The following GCH1 variants were observed in gnomAD, a reference collection of about 807,000 sequenced individuals.
The protein encoded by GCH1 is GTP cyclohydrolase 1.
GCH1 carries 5 observed loss-of-function variants against 25.9 expected under a neutral mutation model. The ratio of observed to expected loss-of-function variants is 0.19; its 90% CI spans 0.10 to 0.41. The LOEUF is 0.41. GCH1 is among the 10% of genes least tolerant of loss of function. The pLI is 1.00. For missense variants in GCH1, 261 were observed against 336.5 expected, an observed-to-expected ratio of 0.78 and a Z score of 1.75; for synonymous variants, 159 against 129.6, an observed-to-expected ratio of 1.23 and a Z score of -1.54.
intron 1 of GCH1, among the ~76,000 whole-genome samples, chr14:54,881,969 T>C (rs1290245045): frequency 6.6e-6 from 1 of 152,224 alleles, no homozygotes; most frequent in African/African-American, 2.4e-5. Flanking sequence ...ACTACGTTTC[T>C]TGGTAAGAGT....
At chr14:54,879,295 C>T (rs2140096190) in intron 1 of GCH1, among the ~76,000 whole-genome samples, 1 of 152,100 alleles carries the variant, frequency 6.6e-6, no homozygotes, top group Non-Finnish European at 1.5e-5. Flanking sequence ...GTGCCATGCA[C>T]CCGTAGTCCC....
intron 1 of GCH1, among the ~76,000 whole-genome samples, chr14:54,872,963 G>C (rs1306566915): frequency 6.6e-6 from 1 of 151,328 alleles, no homozygotes; most frequent in Non-Finnish European, 1.5e-5. Flanking sequence ...AAGTTAACAA[G>C]GATATCCAGG....
chr14:54,883,446 G>C (rs944538133), intron 1 of GCH1, among the ~76,000 whole-genome samples: 1 of 149,406 alleles, frequency 6.7e-6, no homozygotes. Context: ...TTGGGAGGCC[G>C]AGGCAGGTGG....
Position 54,880,517 on chromosome 14 carries a change from CCAT to C in GCH1, c.344-15084_344-15082del, listed in dbSNP as rs1406067942. Among the ~76,000 whole-genome samples, 2 of 77,200 alleles carry C rather than the reference CCAT, an allele frequency of 2.6e-5. 1 individual carries two copies. The highest frequency in any genetic ancestry group is 4.7e-5 in the Non-Finnish European group (2 of 42,822). 50.6% of individuals were successfully genotyped at this position (77,200 alleles called of 152,430 possible). ...TATATACTCCATATATATATATACT[CCAT>C]ATATATATATATACTCCATATATAT... On this transcript the variant is annotated intron_variant, in intron 1 of 5. Coordinates refer to ENST00000491895, the MANE Select transcript of GCH1 (RefSeq NM_000161.3).
intron 1 of GCH1, among the ~76,000 whole-genome samples, chr14:54,897,010 GTT>G (rs1303006172): frequency 1.7e-5 from 2 of 114,884 alleles, no homozygotes; most frequent in African/African-American, 3.4e-5. Flanking sequence ...TCCACTTTTT[GTT>G]TTTTTTTTTT....
intron 2 of GCH1, among the ~76,000 whole-genome samples, chr14:54,864,743 G>T (rs2039966730): frequency 6.6e-6 from 1 of 152,114 alleles, no homozygotes; most frequent in Admixed American, 6.5e-5. Flanking sequence ...AACTAGATTA[G>T]ATCTAAAGTT....
At chr14:54,870,335 C>CAAAAAAAAAAAAAAAAAAAAAAA (rs561453897) in intron 1 of GCH1, among the ~76,000 whole-genome samples, 1 of 66,606 alleles carries the variant, frequency 1.5e-5, no homozygotes, top group African/African-American at 6.1e-5. Flanking sequence ...CTGTTTTTAC[C>CAAAAAAAAAAAAAAAAAAAAAAA]AAAAAAAAAA....
intron 1 of GCH1, among the ~76,000 whole-genome samples, chr14:54,887,291 G>A (rs2040366059): frequency 6.6e-6 from 1 of 152,216 alleles, no homozygotes; most frequent in African/African-American, 2.4e-5. Flanking sequence ...AATACTTAGT[G>A]TCTCCCAGTT....
intron 2 of GCH1, 51 bp downstream of exon 2, chr14:54,865,276 A>C: frequency 2.3e-6 from 2 of 864,764 alleles, no homozygotes; most frequent in Non-Finnish European, 3.8e-6. Context: ...TTCTAATTGA[A>C]AAACTTTCAC....
At position 54,897,009 on chromosome 14, in the gene GCH1, TG is replaced by T. The variant is rs752800019; in HGVS notation, c.343+5311del. The stretch of plus-strand genomic sequence containing the variant: ...ATCTTATCCATTCTACTCCACTTTT[TG>T]TTTTTTTTTTTTTTTTTTGAGATGG... On this transcript the variant is annotated intron_variant, in intron 1 of 5. Transcript: ENST00000491895. 2.9e-4 allele frequency among the ~76,000 whole-genome samples: 41 copies of T among 141,242 alleles called. 4 individuals are homozygous for T. The highest frequency in any genetic ancestry group is 6.9e-4 in the African/African-American group (25 of 35,980). 92.7% of individuals were successfully genotyped at this position (141,242 alleles called of 152,430 possible). A position where few individuals can be genotyped will look rare whatever the true frequency, so the allele number is the denominator to read the frequency against.
chr14:54,864,305 T>C (rs563190772), intron 2 of GCH1, among the ~76,000 whole-genome samples: 4 of 152,362 alleles, frequency 2.6e-5, no homozygotes, highest in African/African-American at 7.2e-5. Context: ...ACTTTAACTT[T>C]AGTTGATGGG....
chr14:54,863,593 T>C (rs1462791066), intron 2 of GCH1, among the ~76,000 whole-genome samples: 1 of 140,810 alleles, frequency 7.1e-6, no homozygotes, highest in African/African-American at 2.7e-5. Flanking sequence ...TGGAATAAGA[T>C]ATAACAATGA....
intron 3 of GCH1, 137 bp downstream of exon 3, chr14:54,859,544 C>A: frequency 1.4e-6 from 1 of 712,650 alleles, no homozygotes; most frequent in Admixed American, 2.0e-5. Flanking sequence ...TCAGACCCTC[C>A]AAGTCTTTAA....
At chr14:54,861,016 G>A (rs2039888878) in intron 2 of GCH1, among the ~76,000 whole-genome samples, 2 of 152,150 alleles carry the variant, frequency 1.3e-5, no homozygotes, top group African/African-American at 4.8e-5. Flanking sequence ...TACTACATAC[G>A]AAAAACATTA....
In GCH1 at chr14:54,842,050, C is replaced by A. The variant is rs1211291688; in HGVS notation, c.*1967G>T. 1 of 152,122 alleles carries A rather than the reference C, an allele frequency of 6.6e-6. No homozygotes were observed. Among genetic ancestry groups the A allele is most frequent in the Non-Finnish European group, 1.5e-5 (1 of 68,008 alleles). 9.4% of individuals were successfully genotyped at this position (152,122 alleles called of 1,614,324 possible). A position where few individuals can be genotyped will look rare whatever the true frequency, so the allele number is the denominator to read the frequency against. ...AATAGTTTAATAATTTAAATAGGACCACCTTCAGGAACATACATACTCATA... is the reference window on the plus strand; with the variant it reads ...AATAGTTTAATAATTTAAATAGGACAACCTTCAGGAACATACATACTCATA... On this transcript the variant is annotated 3_prime_UTR_variant, in exon 6 of 6. Transcript: ENST00000491895.
intron 1 of GCH1, among the ~76,000 whole-genome samples, chr14:54,879,609 C>T (rs1428432219): frequency 1.3e-5 from 2 of 151,806 alleles, no homozygotes; most frequent in African/African-American, 4.8e-5. Context: ...GTGTAAAAAG[C>T]GTGTAGCAGA....
chr14:54,902,652 G>T lies in GCH1; in HGVS notation c.12C>A (p.Gly4=), dbSNP rs760502498. 1.4e-6 allele frequency: 2 copies of T among 1,475,696 alleles called. No individual in the cohort carries two copies. The highest frequency in any genetic ancestry group is 2.6e-5 in the South Asian group (2 of 76,940). 91.4% of individuals were successfully genotyped at this position (1,475,696 alleles called of 1,614,324 possible). The part of the protein sequence containing the change: MEK[G]PVRAPAEKPR... Reference sequence around the variant, plus strand: ...GCTTCTCCGCCGGTGCCCGCACAGGGCCCTTCTCCATGGACCCGCCGCAGC... The same window carrying T: ...GCTTCTCCGCCGGTGCCCGCACAGGTCCCTTCTCCATGGACCCGCCGCAGC... The change falls in exon 1 of 6, where the codon GGC becomes GGA. Residue 4 remains glycine, a synonymous_variant. Coordinates refer to ENST00000491895, the MANE Select transcript of GCH1 (RefSeq NM_000161.3).
chr14:54,884,496 G>A (rs887156955), intron 1 of GCH1, among the ~76,000 whole-genome samples: 3 of 152,120 alleles, frequency 2.0e-5, no homozygotes, highest in South Asian at 2.1e-4. Context: ...TAGGCCGGGC[G>A]CAGTGGCTCA....
At chr14:54,869,245 TG>T (rs1360723744) in intron 1 of GCH1, among the ~76,000 whole-genome samples, 1 of 150,670 alleles carries the variant, frequency 6.6e-6, no homozygotes, top group African/African-American at 2.4e-5. Flanking sequence ...TTCACTATGT[TG>T]GCCAGGCTGG....
Sources: gnomAD v4.1 joint callset for allele counts (sites outside exome capture counted in the v4.1 genomes callset) on GRCh38, gnomAD v4.1.1 for gene constraint, MANE v1.5 for transcripts, NCBI Gene and HGNC (gene_info 2026-07-23, HGNC 2026-07-21) for gene names.